The following HEPHL1 variants were observed in gnomAD, a reference collection of about 807,000 sequenced individuals.
The protein encoded by HEPHL1 is ferroxidase HEPHL1.
In HEPHL1, 123 loss-of-function variants were observed where a neutral mutation model predicts 122.0. The observed-to-expected ratio is 1.01, with a 90% CI of 0.87 to 1.17. The LOEUF (loss-of-function observed/expected upper bound fraction) is 1.17, where lower values mean the gene tolerates loss of function less well. Ranked by LOEUF, HEPHL1 falls within the 50% of genes most tolerant of loss-of-function variation. The pLI, the probability that HEPHL1 is intolerant of heterozygous loss-of-function variation, is 0.00. For synonymous variants in HEPHL1, 527 were observed against 508.9 expected, an observed-to-expected ratio of 1.04 and a Z score of -0.48; for missense variants, 1,452 against 1,430.5, an observed-to-expected ratio of 1.01 and a Z score of -0.24.
intron 6 of HEPHL1, among the ~76,000 whole-genome samples, chr11:94,071,253 C>G (rs1237378005): frequency 2.0e-5 from 3 of 152,046 alleles, no homozygotes; most frequent in Non-Finnish European, 2.9e-5. Context: ...TATCAAGAAT[C>G]CTTTTTTATA....
rs762235821 is a variant in HEPHL1 at position 94,088,960 on chromosome 11, A to T, written c.2286A>T (p.Arg762Ser). The change falls in exon 12 of 20, where the codon AGA becomes AGT. Residue 762 changes from arginine (R) to serine (S), a missense_variant. Arg to Ser is a moderately radical substitution (Grantham distance 110, BLOSUM62 -1). Transcript: ENST00000315765. ...TCGAAAAGCAGCACGTGGACGCAAG[A>T]GGGGAAAGGTACCACAGGCGCCGCC... Reference protein sequence around the residue: ...WEFEKQHVDARGERHGDIFMN... With the variant: ...WEFEKQHVDASGERHGDIFMN... The T allele has an allele frequency of 1.2e-6, 2 of 1,613,790 alleles. No homozygotes were observed. Among genetic ancestry groups the T allele is most frequent in the South Asian group, 2.2e-5 (2 of 91,082 alleles).
rs769982073 is a variant in HEPHL1 at position 94,063,713 on chromosome 11, C to T, written c.621C>T (p.Cys207=). ...CSGLIGPLLV[C]KEGILNRYSG... is the part of the protein sequence containing the mutation. Reference sequence around the variant, plus strand: ...GGCTAATTGGGCCCCTGCTGGTCTGCAAGGAAGGTAAGGAGCTTTGTTTCC... The same window carrying T: ...GGCTAATTGGGCCCCTGCTGGTCTGTAAGGAAGGTAAGGAGCTTTGTTTCC... Residue 207 remains cysteine, a synonymous_variant, in exon 3 of 20, where the codon TGC becomes TGT. Transcript: ENST00000315765. 2 of 1,613,210 alleles carry T rather than the reference C, an allele frequency of 1.2e-6. No homozygotes were observed. Among genetic ancestry groups the T allele is most frequent in the Non-Finnish European group, 1.7e-6 (2 of 1,179,474 alleles).
intron 1 of HEPHL1, among the ~76,000 whole-genome samples, chr11:94,023,541 A>G (rs575664520): frequency 6.6e-6 from 1 of 152,354 alleles, no homozygotes; most frequent in East Asian, 1.9e-4. Context: ...AGTACAATAA[A>G]ACATATAAAA....
At chr11:94,077,934 C>T (rs925885995) in intron 9 of HEPHL1, among the ~76,000 whole-genome samples, 3 of 152,168 alleles carry the variant, frequency 2.0e-5, no homozygotes, top group South Asian at 2.1e-4. Context: ...GATCACCAGG[C>T]TAAGGTCACT....
At chr11:94,102,584 T>A (rs1169389598) in intron 14 of HEPHL1, among the ~76,000 whole-genome samples, 2 of 152,306 alleles carry the variant, frequency 1.3e-5, no homozygotes, top group Admixed American at 1.3e-4. Context: ...AAAGATGTGC[T>A]CAAGGACAGC....
At position 94,075,323 on chromosome 11, in the gene HEPHL1, TCTGGCCTGGTAGGGCCTTTG is replaced by T; in HGVS notation, c.1657_1676del (p.Gly553SerfsTer3). On this transcript the variant is annotated frameshift_variant, in exon 9 of 20. Coordinates refer to ENST00000315765, the MANE Select transcript of HEPHL1 (RefSeq NM_001098672.2). LOFTEE classifies it high-confidence loss of function. ...AGTTGATCCAATTAAGGACACCAGCTCTGGCCTGGTAGGGCCTTTGCTAGTCTGTAAAAAGGGCGTCCTCA... is the reference window on the plus strand; with the variant it reads ...AGTTGATCCAATTAAGGACACCAGCTCTAGTCTGTAAAAAGGGCGTCCTCA... 6.2e-7 allele frequency: 1 copy of T among 1,613,518 alleles called. No individual in the cohort carries two copies. Among genetic ancestry groups the T allele is most frequent in the Non-Finnish European group, 8.5e-7 (1 of 1,179,642 alleles).
At position 94,111,523 on chromosome 11, in the gene HEPHL1, T is replaced by TTTTC; in HGVS notation, c.3209-10_3209-7dup. 1 of 1,584,138 alleles carries TTTTC rather than the reference T, an allele frequency of 6.3e-7. No individual in the cohort carries two copies. The highest frequency in any genetic ancestry group is 8.6e-7 in the Non-Finnish European group (1 of 1,163,022). ...TGTTGTTAATAAAACAATGAACTTG[T>TTTTC]TTTCTTTGTGCAGACAACAGGATTC... is the stretch of plus-strand genomic sequence containing the variant. On this transcript the variant is annotated splice_polypyrimidine_tract_variant and intron_variant, in intron 18 of 19. Coordinates refer to ENST00000315765, the MANE Select transcript of HEPHL1 (RefSeq NM_001098672.2).
In HEPHL1 at chr11:94,111,615, C is replaced by A. The variant is rs761051252; in HGVS notation, c.3277+10C>A. ...ACGGTGCCATCTAACGGTAATGATA[C>A]CCTCTCCCCATGTAAATGAGTCAAC... On this transcript the variant is annotated intron_variant, in intron 19 of 19. Transcript: ENST00000315765. 2 of 1,606,902 alleles carry A rather than the reference C, an allele frequency of 1.2e-6. No individual in the cohort carries two copies. The highest frequency in any genetic ancestry group is 2.2e-5 in the East Asian group (1 of 44,698).
chr11:94,032,668 G>A (rs1285258468), intron 1 of HEPHL1, among the ~76,000 whole-genome samples: 1 of 152,124 alleles, frequency 6.6e-6, no homozygotes, highest in Non-Finnish European at 1.5e-5. Flanking sequence ...AGGAATGTCA[G>A]GTAACCACCA....
intron 6 of HEPHL1, among the ~76,000 whole-genome samples, chr11:94,070,934 A>G (rs1358916743): frequency 6.6e-6 from 1 of 152,146 alleles, no homozygotes; most frequent in Non-Finnish European, 1.5e-5. Flanking sequence ...CTGGCCTAAG[A>G]GGGTTACCCT....
chr11:94,089,210 G>C (rs140506386), intron 12 of HEPHL1, among the ~76,000 whole-genome samples: 2 of 152,328 alleles, frequency 1.3e-5, no homozygotes, highest in African/African-American at 4.8e-5. Context: ...GGCGTGCCTG[G>C]GAGTGCGTGT....
At chr11:94,058,673 T>G (rs1945960145) in intron 2 of HEPHL1, among the ~76,000 whole-genome samples, 1 of 98,678 alleles carries the variant, frequency 1.0e-5, no homozygotes. Context: ...GAAATATGCT[T>G]AAGTATTAGG....
In HEPHL1 at chr11:94,079,031, A is replaced by G. The variant is rs79781189; in HGVS notation, c.1717-3387A>G. 4.7e-3 allele frequency among the ~76,000 whole-genome samples: 715 copies of G among 152,252 alleles called. 13 individuals are homozygous for G. The highest frequency in any genetic ancestry group is 0.026 in the South Asian group (127 of 4,816). ...CCAGTTACCCTCCAAATACCTGTCA[A>G]GCAATGAGGTTCTTCAATGCAACTC... On this transcript the variant is annotated intron_variant, in intron 9 of 19. Coordinates refer to ENST00000315765, the MANE Select transcript of HEPHL1 (RefSeq NM_001098672.2).
chr11:94,107,800 TTTGAG>T (rs1254444220), intron 17 of HEPHL1, among the ~76,000 whole-genome samples: 2 of 152,228 alleles, frequency 1.3e-5, no homozygotes, highest in Admixed American at 6.5e-5. Context: ...TTGAGGAACA[TTTGAG>T]TTATTTTCAA....
rs563826694 is a variant in HEPHL1, at chr11:94,107,191, G to A, written c.3045+1061G>A. On this transcript the variant is annotated intron_variant, in intron 17 of 19. Transcript: ENST00000315765. ...CTTTTCTAGTTAGACACGAATAAACGGTAACTTTAATAAAACATTTAATAT... is the reference window on the plus strand; with the variant it reads ...CTTTTCTAGTTAGACACGAATAAACAGTAACTTTAATAAAACATTTAATAT... Among the ~76,000 whole-genome samples the A allele has an allele frequency of 6.6e-5, 10 of 152,236 alleles. No individual in the cohort carries two copies. The East Asian group carries it at 1.9e-3, about 29-fold the overall frequency.
intron 3 of HEPHL1, 111 bp downstream of exon 3, chr11:94,063,831 T>G (rs1454294520): frequency 8.2e-6 from 7 of 854,064 alleles, no homozygotes; most frequent in Non-Finnish European, 1.3e-5. Flanking sequence ...CCAAATTTCT[T>G]TAGAAATTCT....
intron 1 of HEPHL1, among the ~76,000 whole-genome samples, chr11:94,023,634 T>C (rs893356746): frequency 3.3e-5 from 5 of 152,204 alleles, no homozygotes; most frequent in Admixed American, 2.6e-4. Flanking sequence ...TCAAAATGCA[T>C]GGTCCCATAT....
At chr11:94,097,522 G>A (rs116127295) in intron 13 of HEPHL1, among the ~76,000 whole-genome samples, 4,014 of 152,266 alleles carry the variant, frequency 0.026, 187 homozygotes, top group African/African-American at 0.092. Flanking sequence ...TTCTGTAGGT[G>A]TCTATCAGCT....
At chr11:94,037,723 TCAC>T (rs1217353332) in intron 1 of HEPHL1, among the ~76,000 whole-genome samples, 1 of 151,790 alleles carries the variant, frequency 6.6e-6, no homozygotes, top group African/African-American at 2.4e-5. Flanking sequence ...CATCTGTACA[TCAC>T]CATCATCAAA....
Sources: gnomAD v4.1 joint callset for allele counts (sites outside exome capture counted in the v4.1 genomes callset) on GRCh38, gnomAD v4.1.1 for gene constraint, MANE v1.5 for transcripts, NCBI Gene and HGNC (gene_info 2026-07-23, HGNC 2026-07-21) for gene names.